Variants in POU2F3 observed in about 807,000 individuals in gnomAD.
POU2F3 encodes the protein POU class 2 homeobox 3.
Under a neutral mutation model 59.2 loss-of-function variants are expected in POU2F3, and 23 were observed. That is an observed-to-expected ratio of 0.39 (90% CI 0.28 to 0.55). The LOEUF is 0.55. POU2F3 is among the 20% of genes least tolerant of loss of function. The probability of loss-of-function intolerance (pLI) is 0.66; values close to 1 mark genes in which losing one functional copy is unlikely to be tolerated. For synonymous variants in POU2F3, 190 were observed against 214.6 expected, an observed-to-expected ratio of 0.89 and a Z score of 1.00; for missense variants, 473 against 544.5, an observed-to-expected ratio of 0.87 and a Z score of 1.31.
upstream of POU2F3, among the ~76,000 whole-genome samples, chr11:120,239,039 G>C (rs1938570009): frequency 6.6e-6 from 1 of 152,080 alleles, no homozygotes; most frequent in South Asian, 2.1e-4. Context: ...GTGTTATCGT[G>C]GGCATGACTG....
At chr11:120,271,974 G>A (rs936206319) in intron 3 of POU2F3, among the ~76,000 whole-genome samples, 8 of 152,068 alleles carry the variant, frequency 5.3e-5, no homozygotes, top group Non-Finnish European at 1.0e-4. Context: ...GCTCTCCTCC[G>A]CTCACACTCA....
intron 5 of POU2F3, among the ~76,000 whole-genome samples, chr11:120,300,438 C>T (rs1565383581): frequency 6.6e-6 from 1 of 151,996 alleles, no homozygotes. Context: ...GCTGCCTGTC[C>T]CACTCCCATC....
intron 2 of POU2F3, among the ~76,000 whole-genome samples, chr11:120,254,573 G>A (rs1939255458): frequency 6.6e-6 from 1 of 152,192 alleles, no homozygotes; most frequent in African/African-American, 2.4e-5. Flanking sequence ...GTGGAAAGGG[G>A]GAAAAGCAGG....
chr11:120,294,657 T>C (rs1237746836), intron 3 of POU2F3, among the ~76,000 whole-genome samples: 1 of 152,276 alleles, frequency 6.6e-6, no homozygotes, highest in Non-Finnish European at 1.5e-5. Context: ...GAAGGCTTTA[T>C]TTCTTAATTT....
At chr11:120,236,938 C>T (rs866258952), upstream of POU2F3, among the ~76,000 whole-genome samples, 1 of 152,136 alleles carries the variant, frequency 6.6e-6, no homozygotes, top group South Asian at 2.1e-4. Flanking sequence ...TGGGGTAAGT[C>T]CCCCTCCTTG....
At chr11:120,253,414 C>T (rs1939201567) in intron 2 of POU2F3, among the ~76,000 whole-genome samples, 1 of 152,156 alleles carries the variant, frequency 6.6e-6, no homozygotes, top group Admixed American at 6.5e-5. Flanking sequence ...CATGTGCCAC[C>T]ATGCCTGGCT....
chr11:120,299,234 A>G (rs1941276397), intron 4 of POU2F3, among the ~76,000 whole-genome samples: 1 of 152,236 alleles, frequency 6.6e-6, no homozygotes, highest in South Asian at 2.1e-4. Flanking sequence ...AGGTGGCATG[A>G]GATTTAAAAA....
intron 2 of POU2F3, among the ~76,000 whole-genome samples, chr11:120,258,754 T>A (rs1939467407): frequency 6.6e-6 from 1 of 152,228 alleles, no homozygotes; most frequent in South Asian, 2.1e-4. Context: ...GACACTTTTT[T>A]CTGAAACCTG....
At chr11:120,263,741 A>G (rs1190272753) in intron 2 of POU2F3, among the ~76,000 whole-genome samples, 1 of 152,194 alleles carries the variant, frequency 6.6e-6, no homozygotes, top group African/African-American at 2.4e-5. Flanking sequence ...GACTCTGAAA[A>G]TAATGCTGCT....
chr11:120,276,054 C>T (rs561267638), intron 3 of POU2F3, among the ~76,000 whole-genome samples: 60 of 152,070 alleles, frequency 3.9e-4, no homozygotes, highest in Non-Finnish European at 7.6e-4. Flanking sequence ...TTCAGGGAGG[C>T]CAGTGAGGGA....
At chr11:120,317,015 T>C (rs1941805054) in intron 11 of POU2F3, among the ~76,000 whole-genome samples, 1 of 152,126 alleles carries the variant, frequency 6.6e-6, no homozygotes, top group African/African-American at 2.4e-5. Flanking sequence ...CTCCAGGGCC[T>C]GGGCTGCAGA....
At chr11:120,274,156 G>GAAGGAAGGAAGT (rs1461040895) in intron 3 of POU2F3, among the ~76,000 whole-genome samples, 2 of 150,052 alleles carry the variant, frequency 1.3e-5, no homozygotes, top group Non-Finnish European at 3.0e-5. Flanking sequence ...AGGAAGGAAG[G>GAAGGAAGGAAGT]AAATGCACAC....
At chr11:120,286,756 G>A (rs569818675) in intron 3 of POU2F3, among the ~76,000 whole-genome samples, 129 of 152,004 alleles carry the variant, frequency 8.5e-4, no homozygotes, top group Non-Finnish European at 1.6e-3. Context: ...TCTAAGTAAA[G>A]GATTTTTATA....
intron 1 of POU2F3, 133 bp from the exon 2 acceptor site, chr11:120,246,316 C>T (rs761434566): frequency 6.5e-5 from 60 of 925,178 alleles, no homozygotes; most frequent in African/African-American, 1.3e-4. Flanking sequence ...GTTGTATGTT[C>T]GGGAATCAGG....
intron 10 of POU2F3, among the ~76,000 whole-genome samples, chr11:120,311,933 C>T (rs773334799): frequency 1.3e-5 from 2 of 152,188 alleles, no homozygotes; most frequent in Admixed American, 6.5e-5. Flanking sequence ...CGTAGATGTG[C>T]GGAGTGTTGG....
At chr11:120,246,090 C>T (rs1938856000) in intron 1 of POU2F3, among the ~76,000 whole-genome samples, 1 of 152,120 alleles carries the variant, frequency 6.6e-6, no homozygotes, top group Admixed American at 6.5e-5. Flanking sequence ...CCTCAGATCC[C>T]AAAGGAAACG....
Position 120,318,551 on chromosome 11 carries a change from C to T in POU2F3, c.*159C>T, listed in dbSNP as rs1230238318. The stretch of plus-strand genomic sequence containing the variant: ...TGTCTTCTTCAAGAGCAAGGGCCTC[C>T]GGAGATCCAAACTGTGATTGAACCA... On this transcript the variant is annotated 3_prime_UTR_variant, in exon 13 of 13. Transcript: ENST00000543440. 1.6e-5 allele frequency: 11 copies of T among 701,032 alleles called. No individual in the cohort carries two copies. The highest frequency in any genetic ancestry group is 2.2e-5 in the Non-Finnish European group (9 of 414,736). The allele number at this position is 701,032 out of a possible 1,614,324, so 43.4% of individuals were successfully genotyped here.
intron 1 of POU2F3, among the ~76,000 whole-genome samples, chr11:120,241,528 G>A (rs993120229): frequency 1.3e-5 from 2 of 152,206 alleles, no homozygotes; most frequent in Non-Finnish European, 2.9e-5. Flanking sequence ...TCCAGGACGT[G>A]CCAGAAAGGC....
At chr11:120,300,589 C>A (rs539124329) in intron 5 of POU2F3, among the ~76,000 whole-genome samples, 9 of 152,218 alleles carry the variant, frequency 5.9e-5, no homozygotes, top group African/African-American at 1.7e-4. Context: ...CATGGTAAAA[C>A]TCTGTCTCCA....
Sources: allele counts gnomAD v4.1 joint callset (sites outside exome capture counted in the v4.1 genomes callset), GRCh38; gene constraint gnomAD v4.1.1; transcripts MANE v1.5; gene names NCBI Gene and HGNC (gene_info 2026-07-23, HGNC 2026-07-21).